The following RPL27A variants were observed in gnomAD, a reference collection of about 807,000 sequenced individuals.
RPL27A encodes ribosomal protein L27a, also known as large ribosomal subunit protein uL15.
For missense variants in RPL27A, 118 were observed against 189.4 expected (o/e 0.62, Z 2.21); for synonymous variants, 69 against 68.3 (o/e 1.01, Z -0.05).
chr11:8,689,020 G>C lies in RPL27A; in HGVS notation c.*3214G>C, dbSNP rs1410744695. 6.6e-6 allele frequency: 1 copy of C among 152,268 alleles called. No homozygotes were observed. The highest frequency in any genetic ancestry group is 2.1e-4 in the South Asian group (1 of 4,838). The allele number at this position is 152,268 out of a possible 1,614,324, so 9.4% of individuals were successfully genotyped here. A position where few individuals can be genotyped will look rare whatever the true frequency, so the allele number is the denominator to read the frequency against. ...CTTCCGGAGACGATGACTCCCCCGC[G>C]TCCCAGACCGGAAGAAGCCCGGCGG... On this transcript the variant is annotated 3_prime_UTR_variant, in exon 5 of 5. Transcript: ENST00000314138.
chr11:8,682,807 T>G lies in RPL27A; in HGVS notation c.-7T>G. 6.2e-7 allele frequency: 1 copy of G among 1,613,340 alleles called. No individual in the cohort carries two copies. The highest frequency in any genetic ancestry group is 8.5e-7 in the Non-Finnish European group (1 of 1,179,600). ...GAAGGCCTTCCTTTTTCGTCTGGGCTGCCAACATGGTAGGTGTTTCGTTTC... is the reference window on the plus strand; with the variant it reads ...GAAGGCCTTCCTTTTTCGTCTGGGCGGCCAACATGGTAGGTGTTTCGTTTC... On this transcript the variant is annotated 5_prime_UTR_variant, in exon 1 of 5. Transcript: ENST00000314138.
chr11:8,687,988 A>G lies in RPL27A; in HGVS notation c.*2182A>G, dbSNP rs1231581444. The G allele has an allele frequency of 6.6e-6, 1 of 152,212 alleles. No homozygotes were observed. The highest frequency in any genetic ancestry group is 1.5e-5 in the Non-Finnish European group (1 of 68,054). 9.4% of individuals were successfully genotyped at this position (152,212 alleles called of 1,614,324 possible). On this transcript the variant is annotated 3_prime_UTR_variant, in exon 5 of 5. Transcript: ENST00000314138. ...ACTATTACGGGAGCAGATGGAGTCA[A>G]TTGGCCTTCATGTGATTGTCAGTGG...
At position 8,683,932 on chromosome 11, in the gene RPL27A, C is replaced by T. The variant is rs779183681; in HGVS notation, c.68-74C>T. 23 of 1,197,890 alleles carry T rather than the reference C, an allele frequency of 1.9e-5. No individual in the cohort carries two copies. The Admixed American group carries it at 2.0e-4, about 11-fold the overall frequency. 74.2% of individuals were successfully genotyped at this position (1,197,890 alleles called of 1,614,324 possible). A position where few individuals can be genotyped will look rare whatever the true frequency, so the allele number is the denominator to read the frequency against. On this transcript the variant is annotated intron_variant, in intron 2 of 4. Transcript: ENST00000314138. ...CCTGACCTCAGGTGATCTACCCCCC[C>T]TCGTCCTCCTAAAATGCTGGGATTA...
rs2039600943 is a variant in RPL27A at position 8,687,752 on chromosome 11, C to G, written c.*1946C>G. The G allele has an allele frequency of 6.6e-6, 1 of 152,246 alleles. No individual in the cohort carries two copies. Among genetic ancestry groups the G allele is most frequent in the Non-Finnish European group, 1.5e-5 (1 of 68,096 alleles). 9.4% of individuals were successfully genotyped at this position (152,246 alleles called of 1,614,324 possible). On this transcript the variant is annotated 3_prime_UTR_variant, in exon 5 of 5. Coordinates refer to ENST00000314138, the MANE Select transcript of RPL27A (RefSeq NM_000990.5). ...CAGACCATTCTCCTGCCTCAGCTTC[C>G]CAAGTAGCTGGGACTACAGGCGCCC...
In RPL27A at chr11:8,687,512, A is replaced by C. The variant is rs1203514650; in HGVS notation, c.*1706A>C. On this transcript the variant is annotated 3_prime_UTR_variant, in exon 5 of 5. Coordinates refer to ENST00000314138, the MANE Select transcript of RPL27A (RefSeq NM_000990.5). ...AGTTCATGATGAATTAAAAGACTCA[A>C]TATTTGGTCTTCACCCAATACCTGT... 6.6e-6 allele frequency: 1 copy of C among 152,272 alleles called. No homozygotes were observed. The highest frequency in any genetic ancestry group is 1.5e-5 in the Non-Finnish European group (1 of 68,044). 9.4% of individuals were successfully genotyped at this position (152,272 alleles called of 1,614,324 possible). A position where few individuals can be genotyped will look rare whatever the true frequency, so the allele number is the denominator to read the frequency against.
Position 8,684,002 on chromosome 11 carries a change from G to T in RPL27A, c.68-4G>T. The T allele has an allele frequency of 1.2e-6, 2 of 1,610,810 alleles. No individual in the cohort carries two copies. The highest frequency in any genetic ancestry group is 8.5e-7 in the Non-Finnish European group (1 of 1,179,764). On this transcript the variant is annotated splice_region_variant and splice_polypyrimidine_tract_variant and intron_variant, in intron 2 of 4. Transcript: ENST00000314138. ...CGGCCCCACGTAGCTTTGTATTCCT[G>T]CAGGCAAGCACCGGAAGCACCCCGG...
intron 1 of RPL27A, 43 bp downstream of exon 1, chr11:8,682,859 A>C (rs752372662): frequency 6.3e-7 from 1 of 1,596,728 alleles, no homozygotes; most frequent in South Asian, 1.1e-5. Context: ...GCCGGCGGAG[A>C]CCCCTAAGCT....
intron 3 of RPL27A, 186 bp from the exon 4 acceptor site, chr11:8,684,532 C>T: frequency 1.5e-6 from 1 of 671,226 alleles, no homozygotes; most frequent in South Asian, 1.7e-5. Context: ...TAAGACTAGC[C>T]TTTTCCTCAT....
intron 4 of RPL27A, chr11:8,685,213 C>T: frequency 2.3e-6 from 1 of 443,124 alleles, no homozygotes; most frequent in Non-Finnish European, 4.2e-6. Context: ...AAGAGATTTT[C>T]CCCCAAAACA....
At chr11:8,684,243 C>A (rs369628231) in intron 3 of RPL27A, 162 bp downstream of exon 3, 1 of 773,232 alleles carries the variant, frequency 1.3e-6, no homozygotes, top group South Asian at 1.4e-5. Flanking sequence ...GCTAGAGTCA[C>A]GCTTGGGTAT....
chr11:8,685,484 C>A (rs1565592413), intron 4 of RPL27A, 194 bp from the exon 5 acceptor site: 1 of 735,464 alleles, frequency 1.4e-6, no homozygotes, highest in Non-Finnish European at 2.5e-6. Flanking sequence ...TCCTGGTGTG[C>A]TAGAGTACTC....
chr11:8,685,347 T>G, intron 4 of RPL27A: 1 of 551,398 alleles, frequency 1.8e-6, no homozygotes, highest in African/African-American at 1.9e-5. Flanking sequence ...CCCAGCCTAT[T>G]TAATGTCCAT....
chr11:8,683,240 C>A lies in RPL27A; in HGVS notation c.42C>A (p.His14Gln). ...RLRKTRKLRG[H>Q]VSHGHGRIGK... ...GGAAGACCCGGAAACTTAGGGGCCA[C>A]GTGAGCCACGGCCACGGCCGCATAG... is the stretch of plus-strand genomic sequence containing the variant. The change falls in exon 2 of 5, where the codon CAC (histidine) becomes CAA (glutamine). Residue 14 changes from histidine (H) to glutamine (Q), a missense_variant. Transcript: ENST00000314138. 2 of 1,614,246 alleles carry A rather than the reference C, an allele frequency of 1.2e-6. No individual in the cohort carries two copies. The highest frequency in any genetic ancestry group is 1.7e-6 in the Non-Finnish European group (2 of 1,180,030).
intron 2 of RPL27A, chr11:8,683,702 A>T (rs895479955): frequency 6.1e-6 from 3 of 491,476 alleles, no homozygotes; most frequent in African/African-American, 5.8e-5. Flanking sequence ...TGTGTGTGTG[A>T]GACTGATCAC....
Position 8,685,870 on chromosome 11 carries a change from C to T in RPL27A, c.*64C>T. ...TTTCCTTGTGGTGTGAGTGTAGGTT[C>T]TTCAGTGGCACCTCTACATCCTGTG... On this transcript the variant is annotated 3_prime_UTR_variant, in exon 5 of 5. Coordinates refer to ENST00000314138, the MANE Select transcript of RPL27A (RefSeq NM_000990.5). 5 of 1,528,622 alleles carry T rather than the reference C, an allele frequency of 3.3e-6. No individual in the cohort carries two copies. Among genetic ancestry groups the T allele is most frequent in the Non-Finnish European group, 4.5e-6 (5 of 1,111,976 alleles). The allele number at this position is 1,528,622 out of a possible 1,614,324, so 94.7% of individuals were successfully genotyped here. A position where few individuals can be genotyped will look rare whatever the true frequency, so the allele number is the denominator to read the frequency against.
rs1251665534 is a variant in RPL27A at position 8,688,570 on chromosome 11, G to T, written c.*2764G>T. 6.6e-6 allele frequency: 1 copy of T among 152,178 alleles called. No individual in the cohort carries two copies. Among genetic ancestry groups the T allele is most frequent in the Non-Finnish European group, 1.5e-5 (1 of 68,042 alleles). The allele number at this position is 152,178 out of a possible 1,614,324, so 9.4% of individuals were successfully genotyped here. On this transcript the variant is annotated 3_prime_UTR_variant, in exon 5 of 5. Transcript: ENST00000314138. Reference sequence around the variant, plus strand: ...TGTGTTCATGGAGGCTCATACTGGCGATCTCTAGTGGCTGGCTAAAGCTTG... The same window carrying T: ...TGTGTTCATGGAGGCTCATACTGGCTATCTCTAGTGGCTGGCTAAAGCTTG...
intron 2 of RPL27A, 80 bp from the exon 3 acceptor site, chr11:8,683,926 C>A (rs1592235756): frequency 1.8e-6 from 2 of 1,100,602 alleles, no homozygotes; most frequent in South Asian, 1.2e-5. Context: ...AGGTGATCTA[C>A]CCCCCCTCGT....
rs979752908 is a variant in RPL27A at position 8,684,124 on chromosome 11, T to C, written c.143+43T>C. The C allele has an allele frequency of 2.6e-6, 4 of 1,534,764 alleles. No individual in the cohort carries two copies. The African/African-American group carries it at 4.1e-5, about 16-fold the overall frequency. On this transcript the variant is annotated intron_variant, in intron 3 of 4. Coordinates refer to ENST00000314138, the MANE Select transcript of RPL27A (RefSeq NM_000990.5). The stretch of plus-strand genomic sequence containing the variant: ...GCTTTTATTGACACAGCTTGGGAGG[T>C]AGGGGCAGAGAGAGGGCTGGCTTAA...
At position 8,683,202 on chromosome 11, in the gene RPL27A, C is replaced by A; in HGVS notation, c.4C>A (p.Pro2Thr). Reference sequence around the variant, plus strand: ...TTACCACCAAGCTTTTTCCACACAGCCATCCAGACTGAGGAAGACCCGGAA... The same window carrying A: ...TTACCACCAAGCTTTTTCCACACAGACATCCAGACTGAGGAAGACCCGGAA... Reference protein sequence around the residue: MPSRLRKTRKLR... With the variant: MTSRLRKTRKLR... The change falls in exon 2 of 5, where the codon CCA (proline) becomes ACA (threonine). Residue 2 changes from proline to threonine, a missense_variant and splice_region_variant. Coordinates refer to ENST00000314138, the MANE Select transcript of RPL27A (RefSeq NM_000990.5). The A allele has an allele frequency of 6.2e-7, 1 of 1,614,202 alleles. No homozygotes were observed. Among genetic ancestry groups the A allele is most frequent in the Non-Finnish European group, 8.5e-7 (1 of 1,179,996 alleles).
Sources: allele counts gnomAD v4.1 joint callset, GRCh38; gene constraint gnomAD v4.1.1; transcripts MANE v1.5; gene names NCBI Gene and HGNC (gene_info 2026-07-23, HGNC 2026-07-21).